ZNF610: variants seen among roughly 807,000 people sequenced by gnomAD.
The protein encoded by ZNF610 is zinc finger protein 610.
In ZNF610, 14 loss-of-function variants were observed where a neutral mutation model predicts 14.1. The observed-to-expected ratio is 0.99, with a 90% CI of 0.65 to 1.55. The LOEUF is 1.55. Among genes scored for constraint, ZNF610 ranks in the 40% most tolerant of loss-of-function variants. The pLI, the probability that ZNF610 is intolerant of heterozygous loss-of-function variation, is 0.00. For synonymous variants in ZNF610, 185 were observed against 187.6 expected (o/e 0.99, Z 0.11); for missense variants, 530 against 558.0 (o/e 0.95, Z 0.51).
intron 1 of ZNF610, among the ~76,000 whole-genome samples, chr19:52,341,918 C>T (rs1984709405): frequency 6.6e-6 from 1 of 152,208 alleles, no homozygotes; most frequent in Non-Finnish European, 1.5e-5. Context: ...TCAAACAATT[C>T]TCCCACCTCA....
intron 5 of ZNF610, among the ~76,000 whole-genome samples, chr19:52,355,503 G>A (rs184675420): frequency 2.8e-4 from 42 of 152,276 alleles, no homozygotes; most frequent in South Asian, 2.7e-3. Flanking sequence ...TCTCCCCATC[G>A]GCAATTTTTC....
At chr19:52,355,274 C>A (rs1015729364) in intron 5 of ZNF610, among the ~76,000 whole-genome samples, 1 of 152,194 alleles carries the variant, frequency 6.6e-6, no homozygotes, top group Non-Finnish European at 1.5e-5. Flanking sequence ...TTGACCTATT[C>A]ATGGTCCACC....
chr19:52,333,502 A>G (rs1044685327), upstream of ZNF610, among the ~76,000 whole-genome samples: 1 of 152,224 alleles, frequency 6.6e-6, no homozygotes, highest in African/African-American at 2.4e-5. Flanking sequence ...GTCCCAGGCT[A>G]TGATTCTCTG....
upstream of ZNF610, among the ~76,000 whole-genome samples, chr19:52,335,727 G>T (rs1257780848): frequency 6.6e-6 from 1 of 152,162 alleles, no homozygotes; most frequent in Non-Finnish European, 1.5e-5. Context: ...TATGTTCTGT[G>T]GGCCGTCAGC....
Position 52,354,263 on chromosome 19 carries a change from C to T in ZNF610, c.203C>T (p.Pro68Leu). 4 of 1,613,996 alleles carry T rather than the reference C, an allele frequency of 2.5e-6. No individual in the cohort carries two copies. The highest frequency in any genetic ancestry group is 2.2e-5 in the East Asian group (1 of 44,880). The change falls in exon 5 of 6, where the codon CCT (proline) becomes CTT (leucine). Residue 68 changes from proline (P) to leucine (L), a missense_variant. Coordinates refer to ENST00000403906, the MANE Select transcript of ZNF610 (RefSeq NM_001161425.2). ...RNLVFLGICL[P>L]DLSIISMLKQ... ...TTTTTATTAACAGGAATCTGTCTTC[C>T]TGACCTAAGTATTATTTCCATGTTG...
At chr19:52,352,668 T>C (rs1985314955) in intron 3 of ZNF610, among the ~76,000 whole-genome samples, 1 of 152,160 alleles carries the variant, frequency 6.6e-6, no homozygotes, top group African/African-American at 2.4e-5. Context: ...ACTTTTTTTT[T>C]CCTGTTTTTT....
At chr19:52,356,063 A>G (rs371861834) in intron 5 of ZNF610, among the ~76,000 whole-genome samples, 1 of 152,180 alleles carries the variant, frequency 6.6e-6, no homozygotes, top group South Asian at 2.1e-4. Context: ...GGAACCCACA[A>G]AGGTTGCCTC....
At chr19:52,355,792 G>A (rs1985495351) in intron 5 of ZNF610, among the ~76,000 whole-genome samples, 1 of 152,228 alleles carries the variant, frequency 6.6e-6, no homozygotes, top group Non-Finnish European at 1.5e-5. Flanking sequence ...TGTTTCTAAG[G>A]ATACAGATGG....
chr19:52,337,124 A>G (rs1984423045), intron 1 of ZNF610, among the ~76,000 whole-genome samples: 1 of 152,110 alleles, frequency 6.6e-6, no homozygotes. Context: ...GTCTCCAGAG[A>G]GATGAAGATG....
intron 1 of ZNF610, among the ~76,000 whole-genome samples, chr19:52,337,895 TTCGG>T (rs1984459401): frequency 6.6e-6 from 1 of 152,182 alleles, no homozygotes; most frequent in Non-Finnish European, 1.5e-5. Flanking sequence ...ACTTGCCTCA[TTCGG>T]GTGTGGGTGA....
At chr19:52,340,276 C>T (rs1252446669) in intron 1 of ZNF610, among the ~76,000 whole-genome samples, 3 of 152,072 alleles carry the variant, frequency 2.0e-5, no homozygotes, top group African/African-American at 7.2e-5. Context: ...CCCAGCTACT[C>T]AGGAGGCTGA....
At chr19:52,351,328 CACCTGTAA>C (rs1313832176) in intron 3 of ZNF610, among the ~76,000 whole-genome samples, 2 of 151,494 alleles carry the variant, frequency 1.3e-5, no homozygotes, top group South Asian at 4.2e-4. Context: ...TGGTGGTGCA[CACCTGTAA>C]TCCCAGCTAC....
chr19:52,353,711 C>T lies in ZNF610; in HGVS notation c.93C>T (p.Ile31=), dbSNP rs375754279. 30 of 1,613,678 alleles carry T rather than the reference C, an allele frequency of 1.9e-5. No homozygotes were observed. In the African/African-American group the frequency reaches 2.5e-4, roughly 14 times the overall value. ...GCTTGACATTCATGGACGTGGCCAT[C>T]GAATTCTCTCAGGAGGAGTGGAAAT... The part of the protein sequence containing the change: ...QGRLTFMDVA[I]EFSQEEWKSL... The change falls in exon 4 of 6, where the codon ATC becomes ATT. Residue 31 remains isoleucine, a synonymous_variant. Transcript: ENST00000403906.
chr19:52,356,542 A>G (rs1031488970), intron 5 of ZNF610, among the ~76,000 whole-genome samples: 1 of 152,000 alleles, frequency 6.6e-6, no homozygotes, highest in Non-Finnish European at 1.5e-5. Flanking sequence ...ATGGCCATTG[A>G]TTTATATATT....
chr19:52,362,034 T>C (rs1013846893), intron 5 of ZNF610, among the ~76,000 whole-genome samples: 2 of 152,198 alleles, frequency 1.3e-5, no homozygotes, highest in Admixed American at 1.3e-4. Context: ...GATTCTCTTA[T>C]CTCAGCCTCC....
intron 1 of ZNF610, among the ~76,000 whole-genome samples, chr19:52,338,821 G>A (rs772767569): frequency 1.3e-5 from 2 of 152,074 alleles, no homozygotes; most frequent in African/African-American, 2.4e-5. Context: ...GGTGTTTCTC[G>A]TCAGGTGGAA....
chr19:52,332,932 G>A (rs950651774), upstream of ZNF610, among the ~76,000 whole-genome samples: 2 of 152,268 alleles, frequency 1.3e-5, no homozygotes, highest in East Asian at 1.9e-4. This position sits in a 1 kb window ranked among gnomAD's most constrained non-coding sequence, Gnocchi z 4.1. Flanking sequence ...TTAATGTTAC[G>A]GGCTTTAATT....
chr19:52,363,284 T>G (rs1053886450), intron 5 of ZNF610, among the ~76,000 whole-genome samples: 1 of 152,096 alleles, frequency 6.6e-6, no homozygotes, highest in Admixed American at 6.6e-5. Flanking sequence ...AATGCACCAC[T>G]GCATCCAGCT....
In ZNF610 at chr19:52,364,880, A is replaced by AT. The variant is rs927401706; in HGVS notation, c.320-809dup. Among the ~76,000 whole-genome samples, 9 of 151,344 alleles carry AT rather than the reference A, an allele frequency of 5.9e-5. No individual in the cohort carries two copies. The South Asian group carries it at 8.4e-4, about 14-fold the overall frequency. ...GGTATGAGCCACTGCACCCAGCCGTATTTTTTTTTCTTTAAGCACTTTCAA... is the reference window on the plus strand; with the variant it reads ...GGTATGAGCCACTGCACCCAGCCGTATTTTTTTTTTCTTTAAGCACTTTCAA... On this transcript the variant is annotated intron_variant, in intron 5 of 5. Coordinates refer to ENST00000403906, the MANE Select transcript of ZNF610 (RefSeq NM_001161425.2).
Sources: gnomAD v4.1 joint callset for allele counts (sites outside exome capture counted in the v4.1 genomes callset) on GRCh38, gnomAD v4.1.1 for gene constraint, Gnocchi (gnomAD v3.1) non-coding constraint, MANE v1.5 for transcripts, NCBI Gene and HGNC (gene_info 2026-07-23, HGNC 2026-07-21) for gene names.